The following ABR variants were observed in gnomAD, a reference collection of about 807,000 sequenced individuals.
ABR encodes the protein ABR activator of RhoGEF and GTPase.
A neutral mutation model predicts 107.2 loss-of-function variants in ABR; 35 were observed. That is an observed-to-expected ratio of 0.33 (90% CI 0.25 to 0.43). The LOEUF is 0.43. ABR is among the 20% of genes least tolerant of loss of function. The pLI, the probability that ABR is intolerant of heterozygous loss-of-function variation, is 1.00. For missense variants in ABR, 815 were observed against 1,115.2 expected (o/e 0.73, Z 3.83); for synonymous variants, 498 against 462.0 (o/e 1.08, Z -1.00).
At chr17:1,180,636 C>T (rs1231942867), upstream of ABR, among the ~76,000 whole-genome samples, 2 of 152,204 alleles carry the variant, frequency 1.3e-5, no homozygotes, top group African/African-American at 2.4e-5. Flanking sequence ...CGTTCCCCTC[C>T]AGGACCCCTC....
intron 16 of ABR, among the ~76,000 whole-genome samples, chr17:1,035,373 T>TC (rs1431272624): frequency 3.1e-4 from 3 of 9,744 alleles, no homozygotes; most frequent in East Asian, 3.7e-3. Flanking sequence ...CTACACCTGC[T>TC]CCCCCACCCC....
intron 1 of ABR, among the ~76,000 whole-genome samples, chr17:1,151,259 C>T (rs955227314): frequency 6.6e-6 from 1 of 152,180 alleles, no homozygotes; most frequent in African/African-American, 2.4e-5. Flanking sequence ...CTCATGACTG[C>T]CAGGCTCTCA....
intron 4 of ABR, among the ~76,000 whole-genome samples, chr17:1,087,580 C>T (rs544971211): frequency 1.3e-5 from 2 of 151,834 alleles, no homozygotes; most frequent in South Asian, 4.1e-4. Context: ...TGGGGCCTGA[C>T]CTTAAAAGGG....
chr17:1,010,557 G>T lies in ABR; in HGVS notation c.2236+172C>A. The T allele has an allele frequency of 1.2e-6, 1 of 815,500 alleles. No homozygotes were observed. The highest frequency in any genetic ancestry group is 1.9e-6 in the Non-Finnish European group (1 of 532,130). 50.5% of individuals were successfully genotyped at this position (815,500 alleles called of 1,614,324 possible). A position where few individuals can be genotyped will look rare whatever the true frequency, so the allele number is the denominator to read the frequency against. On this transcript the variant is annotated intron_variant, in intron 20 of 22. Transcript: ENST00000302538. This position sits in a 1 kb window ranked among gnomAD's most constrained non-coding sequence, Gnocchi z 4.1. ...AGAAAGGGCCCAGTGTCTGCACCAG[G>T]TCCCAGCAGGCCACACCTCACCCTC...
intron 9 of ABR, among the ~76,000 whole-genome samples, chr17:1,069,523 ACATGGTGG>A (rs956363369): frequency 2.6e-5 from 4 of 152,014 alleles, no homozygotes; most frequent in South Asian, 4.2e-4. Context: ...AATTAGCCAG[ACATGGTGG>A]CATGGTGGCG....
intron 1 of ABR, among the ~76,000 whole-genome samples, chr17:1,211,261 A>G (rs1414803946): frequency 1.3e-5 from 2 of 151,546 alleles, no homozygotes; most frequent in Admixed American, 1.3e-4. Flanking sequence ...CCTGGGCGAC[A>G]GAGTGAGGCT....
Position 1,071,525 on chromosome 17 carries a change from C to A in ABR, c.894+1089G>T, listed in dbSNP as rs2035236500. On this transcript the variant is annotated intron_variant, in intron 8 of 22. Coordinates refer to ENST00000302538, the MANE Select transcript of ABR (RefSeq NM_021962.5). This position sits in a 1 kb window ranked among gnomAD's most constrained non-coding sequence, Gnocchi z 5.1. ...TACTCCCCTTGCTGGGCTGTCCCCA[C>A]CCTTGCATCAAGAAGGGCCCCCAGG... Among the ~76,000 whole-genome samples the A allele has an allele frequency of 6.6e-6, 1 of 152,248 alleles. No homozygotes were observed. The highest frequency in any genetic ancestry group is 2.1e-4 in the South Asian group (1 of 4,834).
chr17:1,160,668 G>A lies in ABR; in HGVS notation c.61+18999C>T, dbSNP rs534537876. Among the ~76,000 whole-genome samples the A allele has an allele frequency of 7.9e-5, 12 of 152,338 alleles. 1 individual carries two copies. Among genetic ancestry groups the A allele is most frequent in the African/African-American group, 9.6e-5 (4 of 41,570 alleles). ...TTCACACGACAGCCAGACGCCGAGC[G>A]CGTACGAGGCTCTGGGGAGGGAGGC... is the stretch of plus-strand genomic sequence containing the variant. On this transcript the variant is annotated intron_variant, in intron 1 of 22. Transcript: ENST00000302538.
chr17:1,190,764 G>A (rs528960103), upstream of ABR, among the ~76,000 whole-genome samples: 81 of 152,346 alleles, frequency 5.3e-4, no homozygotes, highest in African/African-American at 1.8e-3. Context: ...CTGGGATTCC[G>A]AGAAAGAAGA....
At position 1,125,223 on chromosome 17, in the gene ABR, T is replaced by C; in HGVS notation, c.206A>G (p.Asp69Gly). The C allele has an allele frequency of 1.2e-6, 2 of 1,603,444 alleles. No individual in the cohort carries two copies. The highest frequency in any genetic ancestry group is 1.7e-6 in the Non-Finnish European group (2 of 1,173,994). Reference protein sequence around the residue: ...QLSARSQGGGDGVSPTPPEGL... With the variant: ...QLSARSQGGGGGVSPTPPEGL... The stretch of plus-strand genomic sequence containing the variant: ...CTCAGGTGGAGTCGGGGAGACGCCA[T>C]CCCCCCCGCCCTGGCTGCGGGCGCT... The change falls in exon 2 of 23, where the codon GAT (aspartate) becomes GGT (glycine). Residue 69 changes from aspartate to glycine, a missense_variant. Around this residue, in one of 5 missense-constraint regions of ABR, gnomAD observed 129 missense variants for 124.8 expected, o/e 1.03. Coordinates refer to ENST00000302538, the MANE Select transcript of ABR (RefSeq NM_021962.5).
intron 1 of ABR, among the ~76,000 whole-genome samples, chr17:1,219,270 C>T (rs981789650): frequency 1.3e-5 from 2 of 151,926 alleles, no homozygotes; most frequent in Non-Finnish European, 2.9e-5. Context: ...TCTCAAACTC[C>T]TGAGCTCAAA....
intron 1 of ABR, among the ~76,000 whole-genome samples, chr17:1,172,544 A>G (rs1164864484): frequency 6.6e-6 from 1 of 152,124 alleles, no homozygotes; most frequent in African/African-American, 2.4e-5. Context: ...AGGTCACGAG[A>G]TCGAGACCAT....
chr17:1,049,850 G>T, intron 16 of ABR, 200 bp downstream of exon 16: 1 of 648,186 alleles, frequency 1.5e-6, no homozygotes, highest in Non-Finnish European at 2.6e-6. Flanking sequence ...CACCTGAGGA[G>T]CCACGCACAC....
intron 2 of ABR, among the ~76,000 whole-genome samples, chr17:1,107,831 G>A (rs1028681879): frequency 6.6e-6 from 1 of 152,198 alleles, no homozygotes; most frequent in Non-Finnish European, 1.5e-5. Context: ...TCCCCACCCA[G>A]GCCTGCAGCC....
At position 1,027,389 on chromosome 17, in the gene ABR, G is replaced by A. The variant is rs1161029654; in HGVS notation, c.1792-14225C>T. ...GATGTCTGCAGCCCCCTCTGAAGTC[G>A]CACACAGTGTGTGCATGGGGTGGCT... On this transcript the variant is annotated intron_variant, in intron 16 of 22. Transcript: ENST00000302538. This position sits in a 1 kb window ranked among gnomAD's most constrained non-coding sequence, Gnocchi z 4.7. Among the ~76,000 whole-genome samples the A allele has an allele frequency of 1.3e-5, 2 of 152,202 alleles. No individual in the cohort carries two copies. Among genetic ancestry groups the A allele is most frequent in the East Asian group, 3.9e-4 (2 of 5,194 alleles).
intron 6 of ABR, among the ~76,000 whole-genome samples, chr17:1,074,951 A>G (rs927263123): frequency 6.6e-6 from 1 of 152,232 alleles, no homozygotes; most frequent in Admixed American, 6.5e-5. Context: ...CATCTCAAAA[A>G]AAAAGAAAAA....
At chr17:1,008,839 C>G (rs1030584730) in intron 21 of ABR, among the ~76,000 whole-genome samples, 12 of 152,304 alleles carry the variant, frequency 7.9e-5, no homozygotes, top group African/African-American at 2.4e-4. Flanking sequence ...CTGAGGACCT[C>G]TGAACTTTGC....
In ABR at chr17:1,073,606, T is replaced by A; in HGVS notation, c.753+19A>T. ...GAACTCCTAAGCCCTCTCTGGCCAT[T>A]CGGAGGCTTGACACTCACGTGTAGG... On this transcript the variant is annotated intron_variant, in intron 7 of 22. Transcript: ENST00000302538. 6.4e-7 allele frequency: 1 copy of A among 1,557,946 alleles called. No homozygotes were observed. The highest frequency in any genetic ancestry group is 8.7e-7 in the Non-Finnish European group (1 of 1,144,768).
In ABR at chr17:1,050,746, C is replaced by G. The variant is rs1044839917; in HGVS notation, c.1562-112G>C. ...GCATCTGTCCTTTCCAACGTCCCCA[C>G]GGATGGCATCTTGGCTCTCTCCTCC... On this transcript the variant is annotated intron_variant, in intron 14 of 22. Transcript: ENST00000302538. The surrounding 1 kb of genome is among the most constrained non-coding windows in gnomAD (Gnocchi z 4.6). 1.2e-6 allele frequency: 1 copy of G among 835,478 alleles called. No homozygotes were observed. The highest frequency in any genetic ancestry group is 1.7e-5 in the African/African-American group (1 of 59,930). The allele number at this position is 835,478 out of a possible 1,614,324, so 51.8% of individuals were successfully genotyped here.
Sources: allele counts gnomAD v4.1 joint callset (sites outside exome capture counted in the v4.1 genomes callset), GRCh38; gene constraint gnomAD v4.1.1; regional missense constraint gnomAD v4.1.1; non-coding constraint Gnocchi (gnomAD v3.1); transcripts MANE v1.5; gene names NCBI Gene and HGNC (gene_info 2026-07-23, HGNC 2026-07-21).